ELAPOR2: variants seen among roughly 807,000 people sequenced by gnomAD.
ELAPOR2 encodes endosome/lysosome-associated apoptosis and autophagy regulator family member 2.
Under a neutral mutation model 120.7 loss-of-function variants are expected in ELAPOR2, and 89 were observed. That is an observed-to-expected ratio of 0.74 (90% CI 0.62 to 0.88). The LOEUF (loss-of-function observed/expected upper bound fraction) is 0.88. ELAPOR2 is among the 40% of genes least tolerant of loss of function. ELAPOR2 has a pLI of 0.00. For missense variants in ELAPOR2, 1,134 were observed against 1,251.6 expected, an observed-to-expected ratio of 0.91 and a Z score of 1.42; for synonymous variants, 444 against 444.9, an observed-to-expected ratio of 1.00 and a Z score of 0.03.
At chr7:86,987,024 C>A (rs1206156597) in intron 1 of ELAPOR2, among the ~76,000 whole-genome samples, 2 of 150,708 alleles carry the variant, frequency 1.3e-5, no homozygotes, top group Admixed American at 1.3e-4. Context: ...TAGAACAGAA[C>A]CCTCAGAAAT....
intron 21 of ELAPOR2, among the ~76,000 whole-genome samples, chr7:86,886,965 T>C (rs2115780255): frequency 6.6e-6 from 1 of 152,176 alleles, no homozygotes; most frequent in East Asian, 1.9e-4. Context: ...CTCAGCTCAG[T>C]GGACAGAACT....
At chr7:86,965,954 T>C (rs2116487687) in intron 1 of ELAPOR2, 2 of 985,358 alleles carry the variant, frequency 2.0e-6, no homozygotes, top group Non-Finnish European at 2.4e-6. Context: ...GGCCATTGTC[T>C]TTGACCTTCT....
At chr7:87,050,191 G>C (rs1292996884) in intron 1 of ELAPOR2, among the ~76,000 whole-genome samples, 2 of 152,162 alleles carry the variant, frequency 1.3e-5, no homozygotes, top group Non-Finnish European at 2.9e-5. Context: ...GGTGACATTA[G>C]AGGCTTCATG....
At chr7:86,926,368 C>A (rs1242979695) in intron 9 of ELAPOR2, among the ~76,000 whole-genome samples, 1 of 151,966 alleles carries the variant, frequency 6.6e-6, no homozygotes, top group Non-Finnish European at 1.5e-5. Context: ...ATGTCCTTCT[C>A]AATGATGATG....
At chr7:86,950,357 C>A (rs1218934535) in intron 2 of ELAPOR2, among the ~76,000 whole-genome samples, 1 of 152,224 alleles carries the variant, frequency 6.6e-6, no homozygotes, top group Non-Finnish European at 1.5e-5. Flanking sequence ...TCCTTGCTTG[C>A]CACGTTGCAG....
intron 20 of ELAPOR2, among the ~76,000 whole-genome samples, chr7:86,892,516 G>T (rs1788214041): frequency 6.6e-6 from 1 of 151,960 alleles, no homozygotes; most frequent in Admixed American, 6.6e-5. Flanking sequence ...CACTAGGTCT[G>T]GTTTTTTTTG....
Position 86,891,863 on chromosome 7 carries a change from A to C in ELAPOR2, c.2891T>G (p.Val964Gly), listed in dbSNP as rs1342588800. The C allele has an allele frequency of 1.9e-6, 3 of 1,607,534 alleles. No homozygotes were observed. The highest frequency in any genetic ancestry group is 2.7e-5 in the African/African-American group (2 of 74,694). ...QKLEYKYSKL[V>G]MTTNSKECEL... ...ACACTCTTTTGAGTTAGTCGTCATT[A>C]CTAACTTGGAATATTTGTATTCCAG... The change falls in exon 21 of 22, where the codon GTA becomes GGA. Residue 964 changes from valine (V) to glycine (G), a missense_variant. Val to Gly is a moderately radical substitution (Grantham distance 109, BLOSUM62 -3). This residue lies in a region of ELAPOR2 where 831 missense variants were observed against 867.6 expected (regional missense o/e 0.96). Coordinates refer to ENST00000450689, the MANE Select transcript of ELAPOR2 (RefSeq NM_001142749.3).
At chr7:86,893,216 C>CA in intron 19 of ELAPOR2, 116 bp from the exon 20 acceptor site, 3 of 781,438 alleles carry the variant, frequency 3.8e-6, no homozygotes, top group Non-Finnish European at 5.9e-6. Context: ...AAGGGTTTTG[C>CA]TAACCCTTTA....
chr7:87,029,370 T>C (rs1037788490), intron 1 of ELAPOR2, among the ~76,000 whole-genome samples: 1 of 152,228 alleles, frequency 6.6e-6, no homozygotes, highest in Admixed American at 6.5e-5. Flanking sequence ...CACTGGCATC[T>C]GGCTCCTGGA....
At chr7:87,039,956 G>A (rs907045553) in intron 1 of ELAPOR2, among the ~76,000 whole-genome samples, 4 of 152,168 alleles carry the variant, frequency 2.6e-5, no homozygotes, top group East Asian at 3.9e-4. Context: ...TGCCTCACTC[G>A]GGAAGCGCAA....
At chr7:87,039,890 A>T (rs1468976361) in intron 1 of ELAPOR2, among the ~76,000 whole-genome samples, 2 of 151,442 alleles carry the variant, frequency 1.3e-5, no homozygotes, top group East Asian at 1.9e-4. Context: ...TGCCAGACAG[A>T]GGGCGCAGGT....
intron 16 of ELAPOR2, among the ~76,000 whole-genome samples, chr7:86,909,012 C>T (rs1194250175): frequency 6.6e-6 from 1 of 151,836 alleles, no homozygotes; most frequent in African/African-American, 2.4e-5. Flanking sequence ...CTGAAATTTG[C>T]TTAATCTAGT....
At position 86,877,615 on chromosome 7, in the gene ELAPOR2, G is replaced by A. The variant is rs1257732149; in HGVS notation, c.*2856C>T. On this transcript the variant is annotated 3_prime_UTR_variant, in exon 22 of 22. Transcript: ENST00000450689. The stretch of plus-strand genomic sequence containing the variant: ...TTAGCCTCCCATTAGAAATAACCAT[G>A]TGCCACAGGAAGTAGTTCTATTGAC... 1 of 152,130 alleles carries A rather than the reference G, an allele frequency of 6.6e-6. No homozygotes were observed. Among genetic ancestry groups the A allele is most frequent in the African/African-American group, 2.4e-5 (1 of 41,446 alleles). The allele number at this position is 152,130 out of a possible 1,614,324, so 9.4% of individuals were successfully genotyped here.
chr7:86,941,976 A>G, intron 5 of ELAPOR2, 42 bp downstream of exon 5: 1 of 1,221,480 alleles, frequency 8.2e-7, no homozygotes. Context: ...AAAAAGAAGA[A>G]GGAAAAATTG....
At chr7:86,927,528 G>A (rs888105722) in intron 8 of ELAPOR2, among the ~76,000 whole-genome samples, 5 of 151,834 alleles carry the variant, frequency 3.3e-5, no homozygotes, top group Admixed American at 6.6e-5. Context: ...TGAACATCAT[G>A]ATTAAGACAA....
intron 1 of ELAPOR2, among the ~76,000 whole-genome samples, chr7:87,015,701 T>C (rs769301836): frequency 6.6e-6 from 1 of 152,078 alleles, no homozygotes; most frequent in Non-Finnish European, 1.5e-5. Context: ...GGCACGAGAA[T>C]TGCTTGAACC....
chr7:87,046,800 G>C (rs1369058088), intron 1 of ELAPOR2, among the ~76,000 whole-genome samples: 1 of 152,202 alleles, frequency 6.6e-6, no homozygotes, highest in Non-Finnish European at 1.5e-5. Flanking sequence ...ATGTGGAGCT[G>C]TGAGTCAATT....
intron 1 of ELAPOR2, among the ~76,000 whole-genome samples, chr7:86,969,409 CATAT>C (rs761451082): frequency 1.8e-4 from 28 of 151,994 alleles, no homozygotes; most frequent in Admixed American, 3.3e-4. Context: ...ACACATTGAC[CATAT>C]ATATTTTTAT....
chr7:86,889,007 T>C (rs574071520), intron 21 of ELAPOR2, among the ~76,000 whole-genome samples: 15 of 152,056 alleles, frequency 9.9e-5, no homozygotes, highest in African/African-American at 3.4e-4. Context: ...ACCTTAGGAG[T>C]AGTCATAAGA....
Sources: gnomAD v4.1 joint callset for allele counts (sites outside exome capture counted in the v4.1 genomes callset) on GRCh38, gnomAD v4.1.1 for gene constraint, gnomAD v4.1.1 regional missense constraint, MANE v1.5 for transcripts, NCBI Gene and HGNC (gene_info 2026-07-23, HGNC 2026-07-21) for gene names.